The following GATAD2B variants were observed in gnomAD, a reference collection of about 807,000 sequenced individuals.
GATAD2B encodes the protein transcriptional repressor p66-beta.
A neutral mutation model predicts 64.3 loss-of-function variants in GATAD2B; 8 were observed. The observed-to-expected ratio is 0.12, with a 90% CI of 0.07 to 0.22. The LOEUF is 0.22. GATAD2B is among the 10% of genes least tolerant of loss of function. The pLI is 1.00. For synonymous variants in GATAD2B, 281 were observed against 271.3 expected, an observed-to-expected ratio of 1.04 and a Z score of -0.35; for missense variants, 453 against 752.0, an observed-to-expected ratio of 0.60 and a Z score of 4.65.
chr1:153,832,171 C>G (rs1675102531), intron 1 of GATAD2B, among the ~76,000 whole-genome samples: 1 of 151,926 alleles, frequency 6.6e-6, no homozygotes, highest in Admixed American at 6.6e-5. Flanking sequence ...GCCAAGATCG[C>G]ACCACTGCAC....
At chr1:153,893,756 G>A (rs760276876) in intron 1 of GATAD2B, among the ~76,000 whole-genome samples, 16 of 151,608 alleles carry the variant, frequency 1.1e-4, no homozygotes, top group Non-Finnish European at 2.4e-4. Context: ...TCAGGAGTTC[G>A]AGAACAGCCT....
At chr1:153,887,636 G>C (rs780618054) in intron 1 of GATAD2B, among the ~76,000 whole-genome samples, 1 of 151,968 alleles carries the variant, frequency 6.6e-6, no homozygotes, top group Non-Finnish European at 1.5e-5. Flanking sequence ...ACAAGGTTTC[G>C]CTGTGTTGTC....
At chr1:153,812,830 C>T (rs1674339843) in intron 8 of GATAD2B, among the ~76,000 whole-genome samples, 1 of 152,202 alleles carries the variant, frequency 6.6e-6, no homozygotes, top group Non-Finnish European at 1.5e-5. Context: ...GAGATGTTCA[C>T]ATACTCTAGA....
At chr1:153,862,975 C>T (rs1676363155) in intron 1 of GATAD2B, among the ~76,000 whole-genome samples, 1 of 150,554 alleles carries the variant, frequency 6.6e-6, no homozygotes, top group East Asian at 2.0e-4. Flanking sequence ...CTGCCCACCT[C>T]GGCCTCCCAA....
chr1:153,837,292 A>G (rs564303412), intron 1 of GATAD2B, among the ~76,000 whole-genome samples: 2 of 152,076 alleles, frequency 1.3e-5, no homozygotes, highest in Admixed American at 1.3e-4. Flanking sequence ...GGAGTTGAAG[A>G]CTAGCCTAGG....
chr1:153,875,892 TAGAG>T (rs1162835202), intron 1 of GATAD2B, among the ~76,000 whole-genome samples: 2 of 151,960 alleles, frequency 1.3e-5, no homozygotes, highest in Admixed American at 6.6e-5. Flanking sequence ...ATCCTCCTGT[TAGAG>T]AGAAAAGAAA....
chr1:153,897,287 C>T (rs1214569514), intron 1 of GATAD2B, among the ~76,000 whole-genome samples: 6 of 152,032 alleles, frequency 3.9e-5, no homozygotes, highest in Non-Finnish European at 7.4e-5. Context: ...CCTCGGCCTC[C>T]GAAAGTGCTG....
At chr1:153,819,794 C>A in intron 2 of GATAD2B, 59 bp from the exon 3 acceptor site, 1 of 1,504,088 alleles carries the variant, frequency 6.6e-7, no homozygotes, top group Admixed American at 2.1e-5. Flanking sequence ...AACTTCTATG[C>A]TGAATTAAAA....
Position 153,815,298 on chromosome 1 carries a change from A to C in GATAD2B, c.1216+975T>G, listed in dbSNP as rs1260280434. Among the ~76,000 whole-genome samples the C allele has an allele frequency of 4.7e-5, 7 of 148,710 alleles. No individual in the cohort carries two copies. The South Asian group carries it at 6.3e-4, about 13-fold the overall frequency. On this transcript the variant is annotated intron_variant, in intron 7 of 10. Transcript: ENST00000368655. ...AAAAAAACAAAAAAAAAAAACAAAA[A>C]AAAAAAAAAGAAAAGAGAAGTTCTA...
chr1:153,832,612 T>TGACA (rs1675117984), intron 1 of GATAD2B, among the ~76,000 whole-genome samples: 3 of 152,336 alleles, frequency 2.0e-5, no homozygotes, highest in African/African-American at 7.2e-5. Flanking sequence ...CCCACAAAAG[T>TGACA]GACACATTAA....
intron 1 of GATAD2B, among the ~76,000 whole-genome samples, chr1:153,916,623 G>GT (rs955010050): frequency 1.2e-4 from 18 of 152,090 alleles, no homozygotes; most frequent in Admixed American, 6.6e-4. Context: ...TATATATGAA[G>GT]TTTTTTTCAA....
At chr1:153,876,260 A>G (rs1676831009) in intron 1 of GATAD2B, among the ~76,000 whole-genome samples, 1 of 139,328 alleles carries the variant, frequency 7.2e-6, no homozygotes. Flanking sequence ...AAAAAAAAAA[A>G]GATTTCACAG....
intron 1 of GATAD2B, among the ~76,000 whole-genome samples, chr1:153,894,383 G>T (rs1266572514): frequency 6.6e-6 from 1 of 151,878 alleles, no homozygotes; most frequent in African/African-American, 2.4e-5. Context: ...CAAGAAAATC[G>T]CTTCAACCCA....
At chr1:153,891,238 G>A (rs1030415214) in intron 1 of GATAD2B, among the ~76,000 whole-genome samples, 2 of 150,040 alleles carry the variant, frequency 1.3e-5, no homozygotes, top group Non-Finnish European at 3.0e-5. Context: ...GAAGGGAAAG[G>A]AAAGAAAGAG....
chr1:153,828,616 T>G (rs1414852184), intron 1 of GATAD2B, among the ~76,000 whole-genome samples: 4 of 152,216 alleles, frequency 2.6e-5, no homozygotes, highest in Non-Finnish European at 5.9e-5. Flanking sequence ...GCAAGGCCTG[T>G]TGACACGTGC....
At chr1:153,910,658 T>C (rs754867317) in intron 1 of GATAD2B, among the ~76,000 whole-genome samples, 1 of 152,136 alleles carries the variant, frequency 6.6e-6, no homozygotes. Flanking sequence ...AAGAATCACT[T>C]GAACCCAGGA....
At chr1:153,867,417 G>C (rs1363505547) in intron 1 of GATAD2B, among the ~76,000 whole-genome samples, 1 of 152,142 alleles carries the variant, frequency 6.6e-6, no homozygotes, top group African/African-American at 2.4e-5. Context: ...GCTGAGGCAA[G>C]AGGAGTGTCT....
chr1:153,837,357 A>C (rs1675303100), intron 1 of GATAD2B, among the ~76,000 whole-genome samples: 1 of 116,558 alleles, frequency 8.6e-6, no homozygotes, highest in Admixed American at 1.0e-4. Context: ...ACAAACAAAA[A>C]ACCCCAAAAA....
At chr1:153,844,421 T>TTAAAAAAAAAA (rs1557798966) in intron 1 of GATAD2B, among the ~76,000 whole-genome samples, 1 of 80,280 alleles carries the variant, frequency 1.2e-5, no homozygotes, top group Non-Finnish European at 2.7e-5. Flanking sequence ...TAACAAATTA[T>TTAAAAAAAAAA]AAAAAAAAAA....
Sources: gnomAD v4.1 joint callset for allele counts (sites outside exome capture counted in the v4.1 genomes callset) on GRCh38, gnomAD v4.1.1 for gene constraint, MANE v1.5 for transcripts, NCBI Gene and HGNC (gene_info 2026-07-23, HGNC 2026-07-21) for gene names.